CTNNA3: variants seen among roughly 807,000 people sequenced by gnomAD.
CTNNA3 encodes the protein catenin alpha 3.
Under a neutral mutation model 95.7 loss-of-function variants are expected in CTNNA3, and 76 were observed. That is an observed-to-expected ratio of 0.79 (90% CI 0.66 to 0.96). The LOEUF is 0.96. Among genes scored for constraint, CTNNA3 ranks in the 40% least tolerant of loss-of-function variants. CTNNA3 has a pLI of 0.00. For missense variants in CTNNA3, 1,191 were observed against 1,089.8 expected, an observed-to-expected ratio of 1.09 and a Z score of -1.31; for synonymous variants, 431 against 374.4, an observed-to-expected ratio of 1.15 and a Z score of -1.74.
chr10:67,361,717 G>GA (rs1021630955), intron 5 of CTNNA3, among the ~76,000 whole-genome samples: 1 of 151,842 alleles, frequency 6.6e-6, no homozygotes, highest in Non-Finnish European at 1.5e-5. Flanking sequence ...ATGGGAACTA[G>GA]AAAAAACAAG....
intron 10 of CTNNA3, among the ~76,000 whole-genome samples, chr10:66,545,810 GT>G: frequency 6.6e-6 from 1 of 151,898 alleles, no homozygotes; most frequent in East Asian, 1.9e-4. Context: ...AGATATTTGG[GT>G]TTTGTCATTT....
chr10:67,097,665 C>A (rs1421095475), intron 7 of CTNNA3: 6 of 1,612,702 alleles, frequency 3.7e-6, no homozygotes, highest in Non-Finnish European at 4.2e-6. Context: ...GCATCATGAA[C>A]TTCTCTCCCA....
At chr10:67,177,080 T>C (rs1176574005) in intron 7 of CTNNA3, 1 of 413,772 alleles carries the variant, frequency 2.4e-6, no homozygotes, top group Non-Finnish European at 4.7e-6. Context: ...TACATATGTA[T>C]CCACTCATAT....
At chr10:67,277,507 A>C (rs1246435242) in intron 5 of CTNNA3, among the ~76,000 whole-genome samples, 2 of 152,132 alleles carry the variant, frequency 1.3e-5, no homozygotes, top group Non-Finnish European at 2.9e-5. Context: ...AGGCCTTTGA[A>C]CCAGAGCAAC....
At chr10:66,141,056 C>T (rs1207667288) in intron 13 of CTNNA3, among the ~76,000 whole-genome samples, 2 of 151,882 alleles carry the variant, frequency 1.3e-5, no homozygotes, top group East Asian at 1.9e-4. Context: ...CTCAGGAGTT[C>T]AGGACCAGCC....
intron 12 of CTNNA3, among the ~76,000 whole-genome samples, chr10:66,364,305 G>T (rs1487251298): frequency 7.9e-6 from 1 of 127,318 alleles, no homozygotes; most frequent in Non-Finnish European, 1.9e-5. Flanking sequence ...AACTTTGGGA[G>T]GCTGAGGTGG....
chr10:67,375,436 T>G (rs1261480634), intron 5 of CTNNA3, among the ~76,000 whole-genome samples: 1 of 152,046 alleles, frequency 6.6e-6, no homozygotes, highest in Non-Finnish European at 1.5e-5. Flanking sequence ...CGAAACCCTG[T>G]CTCTGCTAAA....
intron 13 of CTNNA3, among the ~76,000 whole-genome samples, chr10:66,133,549 G>A (rs1361533831): frequency 1.3e-5 from 2 of 149,310 alleles, no homozygotes; most frequent in East Asian, 3.9e-4. Context: ...AAAAAAAACA[G>A]AAGAAAGAGA....
chr10:66,848,581 C>A (rs1438722275), intron 7 of CTNNA3, among the ~76,000 whole-genome samples: 1 of 152,160 alleles, frequency 6.6e-6, no homozygotes, highest in Admixed American at 6.5e-5. Flanking sequence ...GCTGTGAAAA[C>A]AAACACCAAA....
At chr10:66,606,531 A>G (rs562354415) in intron 10 of CTNNA3, among the ~76,000 whole-genome samples, 2 of 152,288 alleles carry the variant, frequency 1.3e-5, no homozygotes, top group East Asian at 3.9e-4. Flanking sequence ...CACACTCCTC[A>G]GCAAATGCAA....
At chr10:67,178,884 G>A (rs558543659) in intron 7 of CTNNA3, among the ~76,000 whole-genome samples, 1 of 150,198 alleles carries the variant, frequency 6.7e-6, no homozygotes, top group East Asian at 2.0e-4. Context: ...GGATATTCTA[G>A]CTTCAGGCAT....
intron 7 of CTNNA3, among the ~76,000 whole-genome samples, chr10:67,176,743 A>G (rs1862259804): frequency 6.6e-6 from 1 of 152,218 alleles, no homozygotes; most frequent in African/African-American, 2.4e-5. Context: ...AAAGAAGAGA[A>G]TCTTTCCAAG....
intron 6 of CTNNA3, among the ~76,000 whole-genome samples, chr10:67,195,751 G>C (rs7894288): frequency 0.36 from 55,370 of 151,882 alleles, 14,405 homozygotes; most frequent in African/African-American, 0.74. Context: ...AGGACATGTA[G>C]AACTTATACA....
intron 3 of CTNNA3, among the ~76,000 whole-genome samples, chr10:67,545,611 C>G (rs1840823990): frequency 6.6e-6 from 1 of 151,898 alleles, no homozygotes; most frequent in South Asian, 2.1e-4. Flanking sequence ...TGGAGCAGGG[C>G]AAGGCAAGGA....
intron 9 of CTNNA3, among the ~76,000 whole-genome samples, chr10:66,701,288 G>T (rs12413382): frequency 0.17 from 26,210 of 151,972 alleles, 2,797 homozygotes; most frequent in East Asian, 0.34. Flanking sequence ...TTGAAATCAG[G>T]CAGTCTTAGT....
At chr10:66,186,398 T>C (rs1465119685) in intron 13 of CTNNA3, among the ~76,000 whole-genome samples, 1 of 152,040 alleles carries the variant, frequency 6.6e-6, no homozygotes, top group Non-Finnish European at 1.5e-5. Flanking sequence ...GATGTCAGTG[T>C]TATAATTTAA....
intron 2 of CTNNA3, among the ~76,000 whole-genome samples, chr10:67,616,049 A>G (rs1027308317): frequency 6.6e-6 from 1 of 152,196 alleles, no homozygotes; most frequent in African/African-American, 2.4e-5. Flanking sequence ...TTTAGACTGC[A>G]TATTAGGGAA....
chr10:67,341,402 T>C (rs192748817), intron 5 of CTNNA3, among the ~76,000 whole-genome samples: 1 of 152,170 alleles, frequency 6.6e-6, no homozygotes, highest in Non-Finnish European at 1.5e-5. Flanking sequence ...ATGAGTTCAA[T>C]TGTTTTGATT....
At chr10:66,193,495 G>A (rs1390053715) in intron 13 of CTNNA3, among the ~76,000 whole-genome samples, 1 of 152,154 alleles carries the variant, frequency 6.6e-6, no homozygotes, top group East Asian at 1.9e-4. Flanking sequence ...ACAGCTAAAG[G>A]AGAAGAAGCC....
Sources: allele counts gnomAD v4.1 joint callset (sites outside exome capture counted in the v4.1 genomes callset), GRCh38; gene constraint gnomAD v4.1.1; transcripts MANE v1.5; gene names NCBI Gene and HGNC (gene_info 2026-07-23, HGNC 2026-07-21).